Variants in CXADR observed in about 807,000 individuals in gnomAD.
CXADR encodes CXADR cell adhesion molecule.
A neutral mutation model predicts 40.3 loss-of-function variants in CXADR; 20 were observed. The observed-to-expected ratio is 0.50, with a 90% CI of 0.35 to 0.72. The LOEUF (loss-of-function observed/expected upper bound fraction) is 0.72, where lower values mean the gene tolerates loss of function less well. Ranked by LOEUF, CXADR falls within the 30% of genes least tolerant of loss-of-function variation. The pLI is 0.01. For synonymous variants in CXADR, 150 were observed against 161.3 expected, an observed-to-expected ratio of 0.93 and a Z score of 0.53; for missense variants, 332 against 449.1, an observed-to-expected ratio of 0.74 and a Z score of 2.36.
intron 7 of CXADR, among the ~76,000 whole-genome samples, chr21:17,578,690 A>G (rs2737882): frequency 0.84 from 127,448 of 152,190 alleles, 54,121 homozygotes; most frequent in East Asian, 1. Context: ...TTAGCCGGGC[A>G]TGGTGGCACG....
At chr21:17,552,932 A>G (rs1383547731) in intron 3 of CXADR, among the ~76,000 whole-genome samples, 1 of 152,056 alleles carries the variant, frequency 6.6e-6, no homozygotes, top group Non-Finnish European at 1.5e-5. Flanking sequence ...ATTTAATATT[A>G]TTTTATTTGA....
At chr21:17,611,133 T>A in the CXADR span, among the ~76,000 whole-genome samples, 1 of 152,224 alleles carries the variant, frequency 6.6e-6, no homozygotes, top group Non-Finnish European at 1.5e-5. Context: ...CTGAAAAATG[T>A]AAGCCATTTC....
At chr21:17,571,251 A>G (rs2061275197), downstream of CXADR, among the ~76,000 whole-genome samples, 2 of 152,212 alleles carry the variant, frequency 1.3e-5, no homozygotes, top group South Asian at 4.1e-4. Flanking sequence ...AGTGCTTAAA[A>G]TGGTACAAAA....
chr21:17,591,181 T>G (rs1163418607), intron 7 of CXADR, among the ~76,000 whole-genome samples: 1 of 152,060 alleles, frequency 6.6e-6, no homozygotes, highest in African/African-American at 2.4e-5. Flanking sequence ...AAAGCCCAGC[T>G]GGGTTTTAAG....
At position 17,587,439 on chromosome 21, in the gene CXADR, G is replaced by C. The variant is rs142953082; in HGVS notation, c.1018-5713G>C. 6.3e-3 allele frequency among the ~76,000 whole-genome samples: 961 copies of C among 152,274 alleles called. 58 individuals carry two copies. In the East Asian group the frequency reaches 0.13, roughly 21 times the overall value. On this transcript the variant is annotated intron_variant, in intron 7 of 7. Transcript: ENST00000400169. ...TTTTAAATGATCGCCATTCTAACTG[G>C]TGTGAGATGGTATCTCAATGTGGTT... is the stretch of plus-strand genomic sequence containing the variant.
chr21:17,590,744 G>C (rs924793347), intron 7 of CXADR, among the ~76,000 whole-genome samples: 1 of 151,534 alleles, frequency 6.6e-6, no homozygotes, highest in Non-Finnish European at 1.5e-5. Context: ...TAACTGATAA[G>C]TAAGAAAAAA....
chr21:17,604,734 A>C, the CXADR span: 3 of 1,178,152 alleles, frequency 2.5e-6, no homozygotes, highest in Non-Finnish European at 3.4e-6. Flanking sequence ...CATAAAATTT[A>C]CATCTGAGAG....
chr21:17,558,860 T>G, intron 3 of CXADR, 116 bp from the exon 4 acceptor site: 1 of 1,028,204 alleles, frequency 9.7e-7, no homozygotes, highest in Non-Finnish European at 1.4e-6. Flanking sequence ...TTCATTCTTT[T>G]GTGAATTCTG....
At chr21:17,547,870 G>A (rs927692970) in intron 2 of CXADR, among the ~76,000 whole-genome samples, 3 of 151,862 alleles carry the variant, frequency 2.0e-5, no homozygotes, top group Admixed American at 2.0e-4. Context: ...TTAAAACATT[G>A]TTTCAGTATT....
At chr21:17,559,590 G>A (rs979819131) in intron 4 of CXADR, among the ~76,000 whole-genome samples, 6 of 150,478 alleles carry the variant, frequency 4.0e-5, no homozygotes, top group Non-Finnish European at 7.4e-5. Flanking sequence ...TATCAATTTA[G>A]TGTCATATAT....
At chr21:17,590,611 AT>A in intron 7 of CXADR, among the ~76,000 whole-genome samples, 1 of 152,080 alleles carries the variant, frequency 6.6e-6, no homozygotes, top group East Asian at 1.9e-4. Context: ...ATGCAGGGAT[AT>A]TGTTGTGTTT....
the CXADR span, chr21:17,605,268 C>T: frequency 2.0e-4 from 53 of 263,080 alleles, no homozygotes; most frequent in African/African-American, 1.1e-3. Context: ...CACCCATGTA[C>T]ATTAAATGAG....
chr21:17,522,688 T>G (rs1332548567), intron 1 of CXADR, among the ~76,000 whole-genome samples: 4 of 152,262 alleles, frequency 2.6e-5, no homozygotes, highest in Admixed American at 6.5e-5. Context: ...AGTTTCTTTC[T>G]GCTCTTGAGC....
chr21:17,623,206 A>T, the CXADR span, among the ~76,000 whole-genome samples: 1 of 152,152 alleles, frequency 6.6e-6, no homozygotes, highest in East Asian at 1.9e-4. Flanking sequence ...CTCTCAAAGT[A>T]CTGAGATTTA....
At chr21:17,602,698 G>T in the CXADR span, among the ~76,000 whole-genome samples, 1 of 152,100 alleles carries the variant, frequency 6.6e-6, no homozygotes, top group Non-Finnish European at 1.5e-5. Context: ...GAATGAAAAG[G>T]TTTTCTAAGA....
rs531852056 is a variant in CXADR, at chr21:17,566,617, C to A, written c.*925C>A. ...TTTGACACTTATAGATTGAAATTTCCTAATTTATTCTAAATTTTAAGTGGT... is the reference window on the plus strand; with the variant it reads ...TTTGACACTTATAGATTGAAATTTCATAATTTATTCTAAATTTTAAGTGGT... On this transcript the variant is annotated 3_prime_UTR_variant, in exon 7 of 7. Transcript: ENST00000284878. 7.1e-6 allele frequency: 7 copies of A among 983,744 alleles called. No homozygotes were observed. The East Asian group carries it at 6.8e-4, about 96-fold the overall frequency. The allele number at this position is 983,744 out of a possible 1,614,324, so 60.9% of individuals were successfully genotyped here.
At chr21:17,635,387 A>G in the CXADR span, among the ~76,000 whole-genome samples, 2 of 152,090 alleles carry the variant, frequency 1.3e-5, no homozygotes, top group African/African-American at 4.8e-5. Flanking sequence ...TTTTCCTTTT[A>G]TTTATTAGTA....
In CXADR at chr21:17,530,266, C is replaced by T. The variant is rs527756780; in HGVS notation, c.44-16761C>T. ...AGGCGTGAGCCACTGGGCCCGGCCT[C>T]CTTCACCCTTTTTTCCACTCTTTTC... On this transcript the variant is annotated intron_variant, in intron 1 of 6. Coordinates refer to ENST00000284878, the MANE Select transcript of CXADR (RefSeq NM_001338.5). 9 of 318,250 alleles carry T rather than the reference C, an allele frequency of 2.8e-5. No homozygotes were observed. In the East Asian group the frequency reaches 7.7e-4, roughly 27 times the overall value. 19.7% of individuals were successfully genotyped at this position (318,250 alleles called of 1,614,324 possible).
intron 2 of CXADR, among the ~76,000 whole-genome samples, chr21:17,549,584 G>T (rs1481123252): frequency 6.6e-6 from 1 of 152,216 alleles, no homozygotes; most frequent in African/African-American, 2.4e-5. Flanking sequence ...CATCGTCCTT[G>T]CAGGGTTGTG....
Sources: allele counts gnomAD v4.1 joint callset (sites outside exome capture counted in the v4.1 genomes callset), GRCh38; gene constraint gnomAD v4.1.1; transcripts MANE v1.5; gene names NCBI Gene and HGNC (gene_info 2026-07-23, HGNC 2026-07-21).